PRKD2: variants seen among roughly 807,000 people sequenced by gnomAD.
PRKD2 encodes protein kinase D2.
PRKD2 carries 22 observed loss-of-function variants against 86.0 expected under a neutral mutation model. That is an observed-to-expected ratio of 0.26 (90% confidence interval 0.18 to 0.37). The LOEUF (loss-of-function observed/expected upper bound fraction) is 0.37, where lower values mean the gene tolerates loss of function less well. Ranked by LOEUF, PRKD2 falls within the 10% of genes least tolerant of loss-of-function variation. PRKD2 has a pLI of 1.00. For synonymous variants in PRKD2, 509 were observed against 510.9 expected (o/e 1.00, Z 0.05); for missense variants, 818 against 1,199.2 (o/e 0.68, Z 4.70).
chr19:46,682,744 C>CA (rs1196508203), intron 14 of PRKD2, among the ~76,000 whole-genome samples: 1 of 142,096 alleles, frequency 7.0e-6, no homozygotes, highest in Non-Finnish European at 1.5e-5. Context: ...CTTGCTCTGT[C>CA]ACTCAGGCCA....
chr19:46,707,564 T>C (rs2053732325), intron 3 of PRKD2, among the ~76,000 whole-genome samples: 1 of 152,144 alleles, frequency 6.6e-6, no homozygotes, highest in African/African-American at 2.4e-5. Context: ...CACTCCATCC[T>C]GGGTGACGGA....
intron 3 of PRKD2, chr19:46,710,659 C>T (rs941860570): frequency 1.4e-5 from 7 of 503,298 alleles, no homozygotes; most frequent in Non-Finnish European, 2.1e-5. Flanking sequence ...TCTTAAGCCC[C>T]TACTTGTCCC....
chr19:46,695,862 G>A (rs918834162), intron 9 of PRKD2, among the ~76,000 whole-genome samples: 3 of 151,946 alleles, frequency 2.0e-5, no homozygotes, highest in Admixed American at 6.6e-5. Flanking sequence ...TTTTTGAGAT[G>A]GAGTCTTGCT....
intron 2 of PRKD2, 80 bp from the exon 3 acceptor site, chr19:46,711,118 A>C: frequency 5.0e-5 from 74 of 1,486,186 alleles, no homozygotes; most frequent in Non-Finnish European, 6.0e-5. Context: ...CTGATTTCTC[A>C]CAGTGCTCCC....
At position 46,714,996 on chromosome 19, in the gene PRKD2, C is replaced by A. The variant is rs558955683; in HGVS notation, c.241-995G>T. ...ATGGGGGAGCTGGCCCAGTTCCCCA[C>A]GTTTCTCTGATGCCCAAAGGATTCA... On this transcript the variant is annotated intron_variant, in intron 1 of 17. Coordinates refer to ENST00000291281, the MANE Select transcript of PRKD2 (RefSeq NM_016457.5). 2.0e-5 allele frequency among the ~76,000 whole-genome samples: 3 copies of A among 152,286 alleles called. No individual in the cohort carries two copies. In the East Asian group the frequency reaches 5.8e-4, roughly 29 times the overall value.
intron 14 of PRKD2, among the ~76,000 whole-genome samples, chr19:46,687,155 G>A (rs1190814687): frequency 6.6e-6 from 1 of 151,992 alleles, no homozygotes; most frequent in Non-Finnish European, 1.5e-5. Flanking sequence ...GCGAGGCTGA[G>A]GCCGAGTCAG....
chr19:46,674,933 A>G, intron 17 of PRKD2, 100 bp downstream of exon 17: 2 of 1,304,980 alleles, frequency 1.5e-6, no homozygotes, highest in Non-Finnish European at 2.1e-6. Flanking sequence ...TCCAGACCCA[A>G]GGAAACCTAC....
At chr19:46,689,937 G>A (rs1254424534) in intron 13 of PRKD2, among the ~76,000 whole-genome samples, 1 of 151,912 alleles carries the variant, frequency 6.6e-6, no homozygotes, top group Non-Finnish European at 1.5e-5. Context: ...ATGGGGTTTC[G>A]CCATGTTGGC....
At position 46,675,115 on chromosome 19, in the gene PRKD2, A is replaced by G; in HGVS notation, c.2342T>C (p.Ile781Thr). 4 of 1,609,068 alleles carry G rather than the reference A, an allele frequency of 2.5e-6. No individual in the cohort carries two copies. Among genetic ancestry groups the G allele is most frequent in the Non-Finnish European group, 3.4e-6 (4 of 1,177,190 alleles). Residue 781 changes from isoleucine to threonine, a missense_variant, in exon 17 of 18, where the codon ATT becomes ACT. Around this residue, in one of 5 missense-constraint regions of PRKD2, gnomAD observed 132 missense variants for 146.2 expected, o/e 0.90. Transcript: ENST00000291281. ...CTGCAGCAGGTTGTTGATGAGGTCA[A>G]TGGCTGCACAGGAAAGAGAAACAGG... ...SPWSHISAGA[I>T]DLINNLLQVK...
At chr19:46,689,758 T>C in intron 13 of PRKD2, 60 bp from the exon 14 acceptor site, 1 of 1,591,400 alleles carries the variant, frequency 6.3e-7, no homozygotes, top group Non-Finnish European at 8.6e-7. Context: ...CCCCAACGGG[T>C]CAGGTATAGG....
intron 3 of PRKD2, among the ~76,000 whole-genome samples, chr19:46,709,104 G>A (rs1568736229): frequency 6.6e-6 from 1 of 150,954 alleles, no homozygotes; most frequent in Non-Finnish European, 1.5e-5. Flanking sequence ...AGCCTCCCAA[G>A]TAGCTGGGAC....
chr19:46,691,812 A>G lies in PRKD2; in HGVS notation c.1630-5T>C. ...CTGGTAGACAGTGGCAATGTCCTACAGGGTGAAGACAGGGCAGGTCAGGGG... is the reference window on the plus strand; with the variant it reads ...CTGGTAGACAGTGGCAATGTCCTACGGGGTGAAGACAGGGCAGGTCAGGGG... On this transcript the variant is annotated splice_region_variant and splice_polypyrimidine_tract_variant and intron_variant, in intron 11 of 17. Coordinates refer to ENST00000291281, the MANE Select transcript of PRKD2 (RefSeq NM_016457.5). The G allele has an allele frequency of 6.2e-7, 1 of 1,614,116 alleles. No individual in the cohort carries two copies. Among genetic ancestry groups the G allele is most frequent in the Non-Finnish European group, 8.5e-7 (1 of 1,180,032 alleles).
Position 46,714,020 on chromosome 19 carries a change from A to G in PRKD2, c.241-19T>C. On this transcript the variant is annotated intron_variant, in intron 1 of 17. Transcript: ENST00000291281. ...CAGGGAACTGAGGGGCGGGAGAGGG[A>G]TGTGGCGACGGAAAAGCTCAGAGCC... 6.2e-7 allele frequency: 1 copy of G among 1,610,972 alleles called. No homozygotes were observed. The highest frequency in any genetic ancestry group is 8.5e-7 in the Non-Finnish European group (1 of 1,178,098).
Position 46,704,547 on chromosome 19 carries a change from T to A in PRKD2, c.614A>T (p.His205Leu), listed in dbSNP as rs1159314940. Residue 205 changes from histidine (H) to leucine (L), a missense_variant, in exon 4 of 18, where the codon CAC becomes CTC. His to Leu is a moderately conservative substitution (Grantham distance 99). This residue lies in a region of PRKD2 where 403 missense variants were observed against 518.6 expected (regional missense o/e 0.78). Transcript: ENST00000291281. ...CTCGGAGGTGCCGAGGCGCACCGAG[T>A]GGCCACTGGCCAGAGACGTGGATGA... is the stretch of plus-strand genomic sequence containing the variant. ...RLSSTSLASG[H>L]SVRLGTSESL... 2 of 1,613,842 alleles carry A rather than the reference T, an allele frequency of 1.2e-6. No individual in the cohort carries two copies. The highest frequency in any genetic ancestry group is 1.7e-6 in the Non-Finnish European group (2 of 1,179,978).
At chr19:46,690,185 C>G (rs1403116000) in intron 13 of PRKD2, among the ~76,000 whole-genome samples, 1 of 151,968 alleles carries the variant, frequency 6.6e-6, no homozygotes, top group Non-Finnish European at 1.5e-5. Context: ...CCTATCCTGG[C>G]CTAACCCCTC....
At chr19:46,692,047 C>T (rs2053491657) in intron 10 of PRKD2, 62 bp from the exon 11 acceptor site, 4 of 1,532,210 alleles carry the variant, frequency 2.6e-6, no homozygotes, top group Middle Eastern at 1.7e-4. Context: ...TCCACCCATA[C>T]CTGCAAAAGC....
intron 3 of PRKD2, among the ~76,000 whole-genome samples, chr19:46,706,581 A>T (rs1409195026): frequency 1.3e-5 from 2 of 152,166 alleles, no homozygotes; most frequent in African/African-American, 4.8e-5. Context: ...ATAGAGTTAA[A>T]CTCCTGTCGG....
At chr19:46,695,210 G>A (rs1362367540) in intron 9 of PRKD2, among the ~76,000 whole-genome samples, 1 of 151,990 alleles carries the variant, frequency 6.6e-6, no homozygotes, top group Non-Finnish European at 1.5e-5. Flanking sequence ...AAATGGGCTG[G>A]GCATGGTGGC....
Position 46,693,153 on chromosome 19 carries a change from C to T in PRKD2, c.1576+722G>A, listed in dbSNP as rs1300323392. On this transcript the variant is annotated intron_variant, in intron 10 of 17. Coordinates refer to ENST00000291281, the MANE Select transcript of PRKD2 (RefSeq NM_016457.5). This position sits in a 1 kb window ranked among gnomAD's most constrained non-coding sequence, Gnocchi z 4.5. ...ATATACCCAGATTGGGTCAGGTACC[C>T]CTCTGGGCTCCTCTAGCTCCCTAGC... 1.3e-5 allele frequency among the ~76,000 whole-genome samples: 2 copies of T among 152,140 alleles called. No homozygotes were observed. The highest frequency in any genetic ancestry group is 4.8e-5 in the African/African-American group (2 of 41,430).
Sources: allele counts gnomAD v4.1 joint callset (sites outside exome capture counted in the v4.1 genomes callset), GRCh38; gene constraint gnomAD v4.1.1; regional missense constraint gnomAD v4.1.1; non-coding constraint Gnocchi (gnomAD v3.1); transcripts MANE v1.5; gene names NCBI Gene and HGNC (gene_info 2026-07-23, HGNC 2026-07-21).